The following GLI2 variants were observed in gnomAD, a reference collection of about 807,000 sequenced individuals.
GLI2 encodes the protein transcription activator GLI2.
Under a neutral mutation model 78.9 loss-of-function variants are expected in GLI2, and 22 were observed. The ratio of observed to expected loss-of-function variants is 0.28; its 90% CI spans 0.20 to 0.40. The LOEUF (loss-of-function observed/expected upper bound fraction) is 0.40, where lower values mean the gene tolerates loss of function less well. Among genes scored for constraint, GLI2 ranks in the 10% least tolerant of loss-of-function variants. The pLI, the probability that GLI2 is intolerant of heterozygous loss-of-function variation, is 1.00. For missense variants in GLI2, 2,097 were observed against 2,213.2 expected (o/e 0.95, Z 1.05); for synonymous variants, 974 against 963.7 (o/e 1.01, Z -0.20).
chr2:120,946,346 G>A (rs752331517), intron 3 of GLI2, among the ~76,000 whole-genome samples: 1 of 152,218 alleles, frequency 6.6e-6, no homozygotes, highest in African/African-American at 2.4e-5. Flanking sequence ...ATGCATAGGG[G>A]CAGTGTACTG....
chr2:120,865,223 C>A (rs1688072335), intron 2 of GLI2, among the ~76,000 whole-genome samples: 1 of 152,208 alleles, frequency 6.6e-6, no homozygotes, highest in Admixed American at 6.5e-5. Flanking sequence ...GCAGCCACTG[C>A]ATGGAGGGGA....
chr2:120,777,322 G>A (rs921445180), intron 1 of GLI2, among the ~76,000 whole-genome samples: 4 of 152,000 alleles, frequency 2.6e-5, no homozygotes, highest in African/African-American at 9.7e-5. Context: ...GTGAGAAGCC[G>A]TGTGTGAGTG....
chr2:120,984,844 T>A, intron 12 of GLI2, 101 bp downstream of exon 12: 1 of 1,225,338 alleles, frequency 8.2e-7, no homozygotes, highest in Non-Finnish European at 1.2e-6. Context: ...GGCCCCCCTC[T>A]AGGGGCACAG....
chr2:120,746,933 G>A (rs925216085), intron 1 of GLI2, among the ~76,000 whole-genome samples: 1 of 152,022 alleles, frequency 6.6e-6, no homozygotes, highest in Non-Finnish European at 1.5e-5. Context: ...AATTTTATTA[G>A]TGTGATTTTT....
rs1251531492 is a variant in GLI2, at chr2:120,984,685, C to G, written c.1847C>G (p.Thr616Ser). 6.2e-7 allele frequency: 1 copy of G among 1,613,544 alleles called. No homozygotes were observed. The highest frequency in any genetic ancestry group is 1.3e-5 in the African/African-American group (1 of 74,938). The change falls in exon 12 of 14, where the codon ACC (threonine) becomes AGC (serine). Residue 616 changes from threonine (T) to serine (S), a missense_variant. Thr to Ser is a moderately conservative substitution (Grantham distance 58). Transcript: ENST00000361492. ...GGPESTEASS[T>S]SQAVEDCLHV... ...CCAGAGAGCACCGAGGCCAGCAGCACCAGCCAGGCCGTGGAGGACTGCCTG... is the reference window on the plus strand; with the variant it reads ...CCAGAGAGCACCGAGGCCAGCAGCAGCAGCCAGGCCGTGGAGGACTGCCTG...
intron 2 of GLI2, among the ~76,000 whole-genome samples, chr2:120,811,338 G>A (rs1197742332): frequency 6.6e-6 from 1 of 152,140 alleles, no homozygotes; most frequent in African/African-American, 2.4e-5. Context: ...TCATTCTTTG[G>A]GTTGTACCAG....
chr2:120,807,380 C>T (rs757440866), intron 2 of GLI2, among the ~76,000 whole-genome samples: 3 of 152,086 alleles, frequency 2.0e-5, no homozygotes, highest in Non-Finnish European at 4.4e-5. Flanking sequence ...TTAGAGGGTC[C>T]CTGGCACACA....
At chr2:120,841,848 G>GGTGTGTGTGTGTGT (rs555474895) in intron 2 of GLI2, among the ~76,000 whole-genome samples, 3,478 of 132,598 alleles carry the variant, frequency 0.026, 90 homozygotes, top group African/African-American at 0.048. Flanking sequence ...CAGTCTGGAG[G>GGTGTGTGTGTGTGT]GTGTGTGTGT....
At chr2:120,884,204 G>A (rs564605419) in intron 2 of GLI2, among the ~76,000 whole-genome samples, 81 of 152,326 alleles carry the variant, frequency 5.3e-4, no homozygotes, top group Non-Finnish European at 9.7e-4. Context: ...CAGGGTCTGT[G>A]AGACCCAGGC....
intron 2 of GLI2, among the ~76,000 whole-genome samples, chr2:120,840,801 C>T (rs533271331): frequency 1.3e-4 from 20 of 152,292 alleles, no homozygotes; most frequent in Non-Finnish European, 2.5e-4. Context: ...GGCCTTTGCA[C>T]GTGGGGGTCT....
intron 1 of GLI2, among the ~76,000 whole-genome samples, chr2:120,742,194 C>G (rs546833658): frequency 6.6e-6 from 1 of 152,344 alleles, no homozygotes; most frequent in Admixed American, 6.5e-5. Context: ...GCCTTCTGCC[C>G]TTGTCCACTC....
chr2:120,891,169 T>TG (rs1246496156), intron 2 of GLI2, among the ~76,000 whole-genome samples: 2 of 151,978 alleles, frequency 1.3e-5, no homozygotes, highest in Non-Finnish European at 2.9e-5. Flanking sequence ...GAAGGTGCTA[T>TG]GGGAGAGTAG....
At chr2:120,942,491 A>G (rs1680495515) in intron 3 of GLI2, among the ~76,000 whole-genome samples, 1 of 152,126 alleles carries the variant, frequency 6.6e-6, no homozygotes, top group Non-Finnish European at 1.5e-5. Flanking sequence ...TGTAGGGCCC[A>G]CTCAGGTAAC....
intron 2 of GLI2, among the ~76,000 whole-genome samples, chr2:120,919,150 A>G (rs1679246358): frequency 6.6e-6 from 1 of 152,264 alleles, no homozygotes; most frequent in Non-Finnish European, 1.5e-5. Flanking sequence ...TTTGGTGTGA[A>G]TCCATTCCCA....
At chr2:120,805,833 C>T (rs1184088705) in intron 2 of GLI2, among the ~76,000 whole-genome samples, 1 of 152,222 alleles carries the variant, frequency 6.6e-6, no homozygotes, top group East Asian at 1.9e-4. Context: ...AGCCTCATTA[C>T]TTTGATGTCA....
chr2:120,909,504 C>G (rs1165739470), intron 2 of GLI2, among the ~76,000 whole-genome samples: 10 of 152,216 alleles, frequency 6.6e-5, no homozygotes, highest in Non-Finnish European at 1.3e-4. Context: ...ACCTGGCAAC[C>G]TGATGCCCAG....
At position 120,797,296 on chromosome 2, in the gene GLI2, C is replaced by A; in HGVS notation, c.-25C>A. On this transcript the variant is annotated 5_prime_UTR_variant, in exon 2 of 14. Coordinates refer to ENST00000361492, the MANE Select transcript of GLI2 (RefSeq NM_001374353.1). ...GTCTTTGTCTTCTCTTTTAGGATTG[C>A]CACCCAGGACGATGAGCGGCTGAGA... is the stretch of plus-strand genomic sequence containing the variant. 6.2e-7 allele frequency: 1 copy of A among 1,613,308 alleles called. No individual in the cohort carries two copies. The highest frequency in any genetic ancestry group is 1.1e-5 in the South Asian group (1 of 91,044).
chr2:120,948,765 G>A (rs1219761855), intron 3 of GLI2, among the ~76,000 whole-genome samples: 1 of 152,184 alleles, frequency 6.6e-6, no homozygotes, highest in African/African-American at 2.4e-5. Context: ...CCTGGTGCCA[G>A]GGAGGCTGGC....
chr2:120,753,853 A>G (rs114498107), intron 1 of GLI2, among the ~76,000 whole-genome samples: 8,554 of 150,666 alleles, frequency 0.057, 376 homozygotes, highest in Admixed American at 0.11. Context: ...ATCTTGGCTC[A>G]CGCGGTGAGC....
Sources: allele counts gnomAD v4.1 joint callset (sites outside exome capture counted in the v4.1 genomes callset), GRCh38; gene constraint gnomAD v4.1.1; transcripts MANE v1.5; gene names NCBI Gene and HGNC (gene_info 2026-07-23, HGNC 2026-07-21).